The following ZSCAN10 variants were observed in gnomAD, a reference collection of about 807,000 sequenced individuals.
The protein encoded by ZSCAN10 is zinc finger and SCAN domain-containing protein 10.
ZSCAN10 carries 52 observed loss-of-function variants against 63.7 expected under a neutral mutation model. The observed-to-expected ratio is 0.82, with a 90% CI of 0.65 to 1.03. The LOEUF is 1.03. Ranked by LOEUF, ZSCAN10 falls within the 50% of genes least tolerant of loss-of-function variation. ZSCAN10 has a pLI of 0.00. For missense variants in ZSCAN10, 1,223 were observed against 1,103.8 expected (o/e 1.11, Z -1.53); for synonymous variants, 544 against 479.6 (o/e 1.13, Z -1.76).
At chr16:3,092,480 C>A (rs1957095981) in intron 2 of ZSCAN10, 62 bp downstream of exon 2, 1 of 1,458,366 alleles carries the variant, frequency 6.9e-7, no homozygotes, top group South Asian at 1.4e-5. Flanking sequence ...AGAGATTCCT[C>A]ACTGGGGGGA....
chr16:3,096,928 CA>C (rs34786703), intron 1 of ZSCAN10, among the ~76,000 whole-genome samples: 2,721 of 105,128 alleles, frequency 0.026, 35 homozygotes, highest in East Asian at 0.09. Flanking sequence ...GACTCTGCCT[CA>C]AAAAAAAAAA....
chr16:3,089,212 C>T lies in ZSCAN10; in HGVS notation c.2222G>A (p.Arg741Gln), dbSNP rs370252082. 6.0e-5 allele frequency: 95 copies of T among 1,579,368 alleles called. No individual in the cohort carries two copies. The highest frequency in any genetic ancestry group is 8.1e-5 in the African/African-American group (6 of 73,668). The change falls in exon 6 of 6, where the codon CGA becomes CAA. Residue 741 changes from arginine to glutamine, a missense_variant. Physicochemically the swap from Arg to Gln is conservative, Grantham distance 43. Transcript: ENST00000576985. ...KSFSRSCNLL[R>Q]HLLVHTGARP... ...GGCGCCCGTGTGCACCAGCAGGTGT[C>T]GCAGCAGATTGCAGCTGCGGCTGAA...
chr16:3,090,469 G>A lies in ZSCAN10; in HGVS notation c.965C>T (p.Ser322Phe). The A allele has an allele frequency of 6.2e-7, 1 of 1,613,778 alleles. No homozygotes were observed. ...CAAAATTTCACTGCTGCCAAGAAGGGACCCATCTTCACCAGGGCCGCTAGC... is the reference window on the plus strand; with the variant it reads ...CAAAATTTCACTGCTGCCAAGAAGGAACCCATCTTCACCAGGGCCGCTAGC... ...AAASGPGEDG[S>F]LLGSSEILEV... The change falls in exon 6 of 6, where the codon TCC (serine) becomes TTC (phenylalanine). Residue 322 changes from serine to phenylalanine, a missense_variant. Transcript: ENST00000576985.
chr16:3,092,775 C>T lies in ZSCAN10; in HGVS notation c.163G>A (p.Asp55Asn). Residue 55 changes from aspartate to asparagine, a missense_variant, in exon 2 of 6, where the codon GAC becomes AAC. By Grantham distance (23) the Asp-to-Asn change is conservative. Coordinates refer to ENST00000576985, the MANE Select transcript of ZSCAN10 (RefSeq NM_032805.3). Reference protein sequence around the residue: ...QLFRCFQYQEDMGPRASLSRL... With the variant: ...QLFRCFQYQENMGPRASLSRL... ...CTCAGGGACGCCCGTGGCCCCATGT[C>T]CTCCTGATACTGGAAGCATCTGAAC... 6.3e-7 allele frequency: 1 copy of T among 1,598,876 alleles called. No individual in the cohort carries two copies. The highest frequency in any genetic ancestry group is 8.5e-7 in the Non-Finnish European group (1 of 1,173,172).
chr16:3,097,480 C>T (rs1479137251), intron 1 of ZSCAN10, among the ~76,000 whole-genome samples: 1 of 152,212 alleles, frequency 6.6e-6, no homozygotes, highest in East Asian at 1.9e-4. Flanking sequence ...AGCGTTAACC[C>T]TCAAGCTCCC....
At chr16:3,095,857 A>C (rs546150624) in intron 1 of ZSCAN10, among the ~76,000 whole-genome samples, 1 of 150,798 alleles carries the variant, frequency 6.6e-6, no homozygotes, top group Non-Finnish European at 1.5e-5. Context: ...TTAGCCAGTC[A>C]TGGTTGTGTA....
At position 3,089,583 on chromosome 16, in the gene ZSCAN10, C is replaced by T. The variant is rs1297446749; in HGVS notation, c.1851G>A (p.Gln617=). The stretch of plus-strand genomic sequence containing the variant: ...GCTGGTGGCGGGCCAGATCCTGGGT[C>T]TGGCCGAAACTCTTCCCGCACTGGG... The part of the protein sequence containing the change: ...HCTQCGKSFG[Q]TQDLARHQRS... The change falls in exon 6 of 6, where the codon CAG becomes CAA. Residue 617 remains glutamine, a synonymous_variant. Coordinates refer to ENST00000576985, the MANE Select transcript of ZSCAN10 (RefSeq NM_032805.3). The T allele has an allele frequency of 1.3e-6, 2 of 1,586,570 alleles. No individual in the cohort carries two copies. Among genetic ancestry groups the T allele is most frequent in the South Asian group, 1.1e-5 (1 of 87,984 alleles).
In ZSCAN10 at chr16:3,092,207, G is replaced by A. The variant is rs770550691; in HGVS notation, c.506C>T (p.Ala169Val). ...PSHSPKKELP[A>V]EEPSVLGPSD... is the part of the protein sequence containing the mutation. ...TGGGCCCAGCACTGAAGGCTCTTCCGCAGGCAATTCCTTCTTGGGGCTGTG... is the reference window on the plus strand; with the variant it reads ...TGGGCCCAGCACTGAAGGCTCTTCCACAGGCAATTCCTTCTTGGGGCTGTG... The change falls in exon 3 of 6, where the codon GCG (alanine) becomes GTG (valine). Residue 169 changes from alanine to valine, a missense_variant. By Grantham distance (64) the Ala-to-Val change is moderately conservative. Transcript: ENST00000576985. 1.4e-5 allele frequency: 23 copies of A among 1,612,400 alleles called. No individual in the cohort carries two copies. Among genetic ancestry groups the A allele is most frequent in the Non-Finnish European group, 1.8e-5 (21 of 1,180,018 alleles).
At chr16:3,098,805 A>G (rs528065177) in intron 1 of ZSCAN10, among the ~76,000 whole-genome samples, 1 of 152,318 alleles carries the variant, frequency 6.6e-6, no homozygotes, top group East Asian at 1.9e-4. Context: ...GGAAGGCGGC[A>G]AAGGTGGGGT....
In ZSCAN10 at chr16:3,089,464, G is replaced by C. The variant is rs750640398; in HGVS notation, c.1970C>G (p.Thr657Arg). 6.2e-7 allele frequency: 1 copy of C among 1,605,928 alleles called. No homozygotes were observed. The highest frequency in any genetic ancestry group is 8.5e-7 in the Non-Finnish European group (1 of 1,178,122). Residue 657 changes from threonine (T) to arginine (R), a missense_variant, in exon 6 of 6, where the codon ACA becomes AGA. Thr to Arg is a moderately conservative substitution (Grantham distance 71, BLOSUM62 -1). Coordinates refer to ENST00000576985, the MANE Select transcript of ZSCAN10 (RefSeq NM_032805.3). ...GTCGCAGGCGTGGGGCTTCTCCCCT[G>C]TGTGGATGCGCTGGTGGCGCGCCAG... is the stretch of plus-strand genomic sequence containing the variant. ...AHLARHQRIH[T>R]GEKPHACDTC... is the part of the protein sequence containing the mutation.
chr16:3,090,582 C>T lies in ZSCAN10; in HGVS notation c.852G>A (p.Trp284Ter). ...FKQEEPKGAAWPTPILAESQA... is the reference protein window; with the variant it reads ...FKQEEPKGAA Reference sequence around the variant, plus strand: ...GGGACTCTGCTAAGATGGGAGTGGGCCAGGCAGCCCCTTTGGGCTCTTCTT... The same window carrying T: ...GGGACTCTGCTAAGATGGGAGTGGGTCAGGCAGCCCCTTTGGGCTCTTCTT... The change falls in exon 6 of 6, where the codon TGG becomes TGA. Residue 284 changes from tryptophan to a stop codon, truncating the protein, a stop_gained. Coordinates refer to ENST00000576985, the MANE Select transcript of ZSCAN10 (RefSeq NM_032805.3). LOFTEE classifies it high-confidence loss of function. 6.3e-7 allele frequency: 1 copy of T among 1,578,052 alleles called. No individual in the cohort carries two copies. The highest frequency in any genetic ancestry group is 8.6e-7 in the Non-Finnish European group (1 of 1,159,820).
chr16:3,092,176 A>C lies in ZSCAN10; in HGVS notation c.537T>G (p.Asp179Glu). 1 of 1,613,076 alleles carries C rather than the reference A, an allele frequency of 6.2e-7. No individual in the cohort carries two copies. The highest frequency in any genetic ancestry group is 2.2e-5 in the East Asian group (1 of 44,876). The change falls in exon 3 of 6, where the codon GAT becomes GAG. Residue 179 changes from aspartate to glutamate, a missense_variant. Transcript: ENST00000576985. ...AEEPSVLGPS[D>E]EPPRPQPRAA... is the part of the protein sequence containing the mutation. The stretch of plus-strand genomic sequence containing the variant: ...CCCTTGGCTGGGGTCGGGGAGGCTC[A>C]TCCGATGGGCCCAGCACTGAAGGCT...
intron 1 of ZSCAN10, chr16:3,096,592 A>G (rs1957155408): frequency 6.6e-6 from 1 of 152,202 alleles, no homozygotes; most frequent in Non-Finnish European, 1.5e-5. Flanking sequence ...TGGGCCCATC[A>G]CTGACCCATT....
In ZSCAN10 at chr16:3,092,948, G is replaced by A. The variant is rs749320410; in HGVS notation, c.-11C>T. The A allele has an allele frequency of 3.1e-5, 44 of 1,416,180 alleles. No homozygotes were observed. Among genetic ancestry groups the A allele is most frequent in the Non-Finnish European group, 3.8e-5 (41 of 1,087,572 alleles). 87.7% of individuals were successfully genotyped at this position (1,416,180 alleles called of 1,614,324 possible). A position where few individuals can be genotyped will look rare whatever the true frequency, so the allele number is the denominator to read the frequency against. On this transcript the variant is annotated 5_prime_UTR_variant, in exon 2 of 6. Transcript: ENST00000576985. ...TGATTCTCCAAGCATCCTTCACTGCGGGGATGCCTCCCTAACGCCAGCCCC... is the reference window on the plus strand; with the variant it reads ...TGATTCTCCAAGCATCCTTCACTGCAGGGATGCCTCCCTAACGCCAGCCCC...
intron 1 of ZSCAN10, among the ~76,000 whole-genome samples, chr16:3,097,182 C>G (rs1183957061): frequency 2.0e-5 from 3 of 151,916 alleles, no homozygotes; most frequent in African/African-American, 7.3e-5. Context: ...TTTGCTGTAC[C>G]CCCTTAATAT....
chr16:3,092,786 T>C lies in ZSCAN10; in HGVS notation c.152A>G (p.Gln51Arg). 1 of 1,588,750 alleles carries C rather than the reference T, an allele frequency of 6.3e-7. No individual in the cohort carries two copies. The highest frequency in any genetic ancestry group is 8.6e-7 in the Non-Finnish European group (1 of 1,167,898). ...CCGTGGCCCCATGTCCTCCTGATACTGGAAGCATCTGAACAGCTGGTGAGC... is the reference window on the plus strand; with the variant it reads ...CCGTGGCCCCATGTCCTCCTGATACCGGAAGCATCTGAACAGCTGGTGAGC... ...EVAHQLFRCF[Q>R]YQEDMGPRAS... Residue 51 changes from glutamine (Q) to arginine (R), a missense_variant, in exon 2 of 6, where the codon CAG becomes CGG. Gln to Arg is a conservative substitution (Grantham distance 43, BLOSUM62 1). Transcript: ENST00000576985.
At position 3,092,719 on chromosome 16, in the gene ZSCAN10, C is replaced by T. The variant is rs750408632; in HGVS notation, c.219G>A (p.Leu73=). The T allele has an allele frequency of 6.8e-6, 11 of 1,613,144 alleles. No individual in the cohort carries two copies. In the South Asian group the frequency reaches 1.1e-4, roughly 16 times the overall value. The part of the protein sequence containing the change: ...SRLRELCGHW[L]RPALHTKKQI... ...GTTTCTTGGTGTGCAGAGCCGGCCG[C>T]AGCCAGTGGCCGCAGAGCTCCCGGA... The change falls in exon 2 of 6, where the codon CTG becomes CTA. Residue 73 remains leucine (L), a synonymous_variant. Transcript: ENST00000576985.
chr16:3,090,542 C>T lies in ZSCAN10; in HGVS notation c.892G>A (p.Gly298Arg). ...ILAESQADSP[G>R]VPGEPCAQSL... Reference sequence around the variant, plus strand: ...TGGGCGCAAGGCTCTCCCGGCACCCCAGGACTATCTGCCTGGGACTCTGCT... The same window carrying T: ...TGGGCGCAAGGCTCTCCCGGCACCCTAGGACTATCTGCCTGGGACTCTGCT... Residue 298 changes from glycine (G) to arginine (R), a missense_variant, in exon 6 of 6, where the codon GGG becomes AGG. Transcript: ENST00000576985. The T allele has an allele frequency of 6.2e-7, 1 of 1,611,646 alleles. No homozygotes were observed.
In ZSCAN10 at chr16:3,089,355, C is replaced by G; in HGVS notation, c.2079G>C (p.Gln693His). ...TGCGCCGGAAGCTGCGACCGCACGT[C>G]TGACAGCTGTAGGGCCGCTCGCCCG... ...SHTGERPYSC[Q>H]TCGRSFRRNA... The change falls in exon 6 of 6, where the codon CAG (glutamine) becomes CAC (histidine). Residue 693 changes from glutamine (Q) to histidine (H), a missense_variant. Physicochemically the swap from Gln to His is conservative, Grantham distance 24. Coordinates refer to ENST00000576985, the MANE Select transcript of ZSCAN10 (RefSeq NM_032805.3). 6.3e-7 allele frequency: 1 copy of G among 1,597,182 alleles called. No individual in the cohort carries two copies. The highest frequency in any genetic ancestry group is 8.5e-7 in the Non-Finnish European group (1 of 1,176,598).
Sources: gnomAD v4.1 joint callset for allele counts (sites outside exome capture counted in the v4.1 genomes callset) on GRCh38, gnomAD v4.1.1 for gene constraint, MANE v1.5 for transcripts, NCBI Gene and HGNC (gene_info 2026-07-23, HGNC 2026-07-21) for gene names.